The following NDST1 variants were observed in gnomAD, a reference collection of about 807,000 sequenced individuals.
NDST1 encodes the protein bifunctional heparan sulfate N-deacetylase/N-sulfotransferase 1.
In NDST1, 35 loss-of-function variants were observed where a neutral mutation model predicts 92.8. The ratio of observed to expected loss-of-function variants is 0.38; its 90% CI spans 0.29 to 0.50. The LOEUF (loss-of-function observed/expected upper bound fraction) is 0.50, where lower values mean the gene tolerates loss of function less well. Among genes scored for constraint, NDST1 ranks in the 20% least tolerant of loss-of-function variants. The pLI is 0.94. For missense variants in NDST1, 822 were observed against 1,182.7 expected, an observed-to-expected ratio of 0.69 and a Z score of 4.47; for synonymous variants, 493 against 500.3, an observed-to-expected ratio of 0.99 and a Z score of 0.19.
intron 8 of NDST1, 31 bp from the exon 9 acceptor site, chr5:150,541,539 G>C (rs368328500): frequency 6.2e-6 from 10 of 1,602,068 alleles, no homozygotes; most frequent in African/African-American, 1.3e-5. Context: ...GTTCTGGGGC[G>C]CCCCACACAT....
chr5:150,510,505 G>A (rs1753675650), intron 1 of NDST1, among the ~76,000 whole-genome samples: 1 of 152,182 alleles, frequency 6.6e-6, no homozygotes, highest in South Asian at 2.1e-4. Flanking sequence ...GGACTGTCAG[G>A]ACTGTCCCGT....
At chr5:150,531,762 G>T (rs1037823284) in intron 3 of NDST1, among the ~76,000 whole-genome samples, 3 of 152,144 alleles carry the variant, frequency 2.0e-5, no homozygotes, top group African/African-American at 7.2e-5. Context: ...GCCTCCCAGG[G>T]TGCTGGGATT....
chr5:150,530,463 G>C (rs1214219682), intron 3 of NDST1, among the ~76,000 whole-genome samples: 1 of 152,096 alleles, frequency 6.6e-6, no homozygotes, highest in African/African-American at 2.4e-5. Flanking sequence ...CTGTGGTCCA[G>C]GGTCAGGTTG....
At chr5:150,510,996 G>C (rs1256439654) in intron 1 of NDST1, among the ~76,000 whole-genome samples, 1 of 152,096 alleles carries the variant, frequency 6.6e-6, no homozygotes, top group South Asian at 2.1e-4. Context: ...GGGATGAGGG[G>C]CCCAGGCTCT....
upstream of NDST1, among the ~76,000 whole-genome samples, chr5:150,506,455 T>G (rs999636314): frequency 7.2e-5 from 11 of 152,162 alleles, no homozygotes; most frequent in African/African-American, 2.7e-4. Flanking sequence ...GGGCCTCACC[T>G]GAGCCTAGTC....
Position 150,521,111 on chromosome 5 carries a change from C to A in NDST1, c.-144C>A. ...AAGGACTGGGGGCCCAGATCCTCCA[C>A]TCCCAGTGCCCCACAAGGGCGTCGC... is the stretch of plus-strand genomic sequence containing the variant. On this transcript the variant is annotated 5_prime_UTR_variant, in exon 2 of 15. Coordinates refer to ENST00000261797, the MANE Select transcript of NDST1 (RefSeq NM_001543.5). The surrounding 1 kb of genome is among the most constrained non-coding windows in gnomAD (Gnocchi z 5.9). 1.4e-6 allele frequency: 1 copy of A among 722,210 alleles called. No homozygotes were observed. Among genetic ancestry groups the A allele is most frequent in the South Asian group, 1.8e-5 (1 of 54,846 alleles). 44.7% of individuals were successfully genotyped at this position (722,210 alleles called of 1,614,324 possible).
Position 150,553,448 on chromosome 5 carries a change from T to C in NDST1, c.*116T>C. ...AGGGCAGCTGCGCACTTATGAGCAA[T>C]ACTCTGTGGAGGTCTGGTGGGGCTG... On this transcript the variant is annotated 3_prime_UTR_variant, in exon 15 of 15. Transcript: ENST00000261797. The surrounding 1 kb of genome is among the most constrained non-coding windows in gnomAD (Gnocchi z 4.2). The C allele has an allele frequency of 7.1e-7, 1 of 1,404,076 alleles. No homozygotes were observed. The allele number at this position is 1,404,076 out of a possible 1,614,324, so 87.0% of individuals were successfully genotyped here. A position where few individuals can be genotyped will look rare whatever the true frequency, so the allele number is the denominator to read the frequency against.
intron 1 of NDST1, among the ~76,000 whole-genome samples, chr5:150,517,104 C>T (rs1471424110): frequency 6.6e-6 from 1 of 151,932 alleles, no homozygotes; most frequent in African/African-American, 2.4e-5. Flanking sequence ...CCTTCTTCCC[C>T]TGCACACACA....
intron 1 of NDST1, among the ~76,000 whole-genome samples, chr5:150,502,074 C>G (rs1581328695): frequency 1.3e-5 from 2 of 152,156 alleles, no homozygotes; most frequent in African/African-American, 4.8e-5. Flanking sequence ...GGTAGGGCCT[C>G]TTGGCCATGG....
At position 150,556,561 on chromosome 5, in the gene NDST1, T is replaced by G. The variant is rs1211562296; in HGVS notation, c.*3229T>G. 2 of 152,266 alleles carry G rather than the reference T, an allele frequency of 1.3e-5. No individual in the cohort carries two copies. The highest frequency in any genetic ancestry group is 2.9e-5 in the Non-Finnish European group (2 of 68,036). 9.4% of individuals were successfully genotyped at this position (152,266 alleles called of 1,614,324 possible). Reference sequence around the variant, plus strand: ...ATGCCCACTCCCCAGCATCTAGATCTAAAATTATTAACATTTTGCCACATT... The same window carrying G: ...ATGCCCACTCCCCAGCATCTAGATCGAAAATTATTAACATTTTGCCACATT... On this transcript the variant is annotated 3_prime_UTR_variant, in exon 15 of 15. Transcript: ENST00000261797.
chr5:150,506,485 A>G (rs973303512), upstream of NDST1, among the ~76,000 whole-genome samples: 1 of 152,124 alleles, frequency 6.6e-6, no homozygotes, highest in African/African-American at 2.4e-5. Context: ...TTCCTGATCT[A>G]GGACTGGAAC....
chr5:150,535,378 T>G, intron 5 of NDST1: 1 of 985,228 alleles, frequency 1.0e-6, no homozygotes, highest in Non-Finnish European at 1.2e-6. Context: ...AGGTGCTAGG[T>G]AGAATGAAGA....
chr5:150,531,784 C>T (rs1337065107), intron 3 of NDST1, among the ~76,000 whole-genome samples: 2 of 152,228 alleles, frequency 1.3e-5, no homozygotes, highest in African/African-American at 4.8e-5. Context: ...CAGGCATGAG[C>T]CACTGCACCT....
intron 1 of NDST1, among the ~76,000 whole-genome samples, chr5:150,501,536 G>A (rs1753228532): frequency 6.6e-6 from 1 of 152,214 alleles, no homozygotes; most frequent in African/African-American, 2.4e-5. Context: ...GTTTTAGCTG[G>A]CCCAGGTTGA....
intron 11 of NDST1, among the ~76,000 whole-genome samples, chr5:150,545,957 GCCCCTAT>G (rs1181925412): frequency 6.7e-6 from 1 of 148,774 alleles, no homozygotes; most frequent in Non-Finnish European, 1.5e-5. Context: ...GTGGATCCAA[GCCCCTAT>G]CTGGGGCATG....
chr5:150,519,561 G>T (rs1237569754), intron 1 of NDST1, among the ~76,000 whole-genome samples: 1 of 152,162 alleles, frequency 6.6e-6, no homozygotes, highest in Admixed American at 6.5e-5. Flanking sequence ...GGTGGCTCAT[G>T]CCTGTAATCC....
Position 150,528,511 on chromosome 5 carries a change from C to A in NDST1, c.1008+213C>A, listed in dbSNP as rs577125128. On this transcript the variant is annotated intron_variant, in intron 3 of 14. Coordinates refer to ENST00000261797, the MANE Select transcript of NDST1 (RefSeq NM_001543.5). ...ATTTAAAACTTGATTGAAGCATTGG[C>A]CAGGTGTGGTGGCTCACACCTGTAA... Among the ~76,000 whole-genome samples, 4 of 152,326 alleles carry A rather than the reference C, an allele frequency of 2.6e-5. No individual in the cohort carries two copies. In the South Asian group the frequency reaches 8.3e-4, roughly 32 times the overall value.
chr5:150,529,084 T>C (rs920559319), intron 3 of NDST1, among the ~76,000 whole-genome samples: 1 of 152,024 alleles, frequency 6.6e-6, no homozygotes, highest in Non-Finnish European at 1.5e-5. Context: ...GTGGAATGCA[T>C]GTGTTTAATT....
At chr5:150,527,328 C>T (rs1439647758) in intron 2 of NDST1, among the ~76,000 whole-genome samples, 1 of 152,182 alleles carries the variant, frequency 6.6e-6, no homozygotes, top group African/African-American at 2.4e-5. Flanking sequence ...AGCACGTTGC[C>T]GGTATTGATA....
Sources: allele counts gnomAD v4.1 joint callset (sites outside exome capture counted in the v4.1 genomes callset), GRCh38; gene constraint gnomAD v4.1.1; non-coding constraint Gnocchi (gnomAD v3.1); transcripts MANE v1.5; gene names NCBI Gene and HGNC (gene_info 2026-07-23, HGNC 2026-07-21).